EXOC1: variants seen among roughly 807,000 people sequenced by gnomAD.
EXOC1 encodes exocyst complex component 1, also known as SEC3-like 1.
Under a neutral mutation model 107.7 loss-of-function variants are expected in EXOC1, and 67 were observed. The observed-to-expected ratio is 0.62, with a 90% CI of 0.51 to 0.76. EXOC1 has a LOEUF of 0.76. Among genes scored for constraint, EXOC1 ranks in the 30% least tolerant of loss-of-function variants. The pLI is 0.00. For missense variants in EXOC1, 833 were observed against 1,055.7 expected, an observed-to-expected ratio of 0.79 and a Z score of 2.92; for synonymous variants, 348 against 353.5, an observed-to-expected ratio of 0.98 and a Z score of 0.17.
intron 8 of EXOC1, among the ~76,000 whole-genome samples, chr4:55,873,694 G>C (rs1722646456): frequency 6.6e-6 from 1 of 152,092 alleles, no homozygotes; most frequent in African/African-American, 2.4e-5. Context: ...CGACAACCTG[G>C]GGTGTGCCAA....
At chr4:55,870,986 T>G in intron 6 of EXOC1, 81 bp downstream of exon 6, 11 of 1,546,284 alleles carry the variant, frequency 7.1e-6, no homozygotes, top group Non-Finnish European at 9.6e-6. Flanking sequence ...TTTAATTTCC[T>G]TGTGAGAACA....
chr4:55,864,448 G>A (rs1179135650), intron 4 of EXOC1, 62 bp downstream of exon 4: 2 of 1,349,006 alleles, frequency 1.5e-6, no homozygotes, highest in East Asian at 2.6e-5. Context: ...TATATAATTT[G>A]ACATCATTCA....
chr4:55,900,382 C>CA (rs1241679739), intron 17 of EXOC1, among the ~76,000 whole-genome samples: 2 of 151,972 alleles, frequency 1.3e-5, no homozygotes, highest in Non-Finnish European at 2.9e-5. Context: ...AAAGAAAAAC[C>CA]AAAAATTGCT....
chr4:55,857,541 G>C, intron 1 of EXOC1, among the ~76,000 whole-genome samples: 1 of 152,052 alleles, frequency 6.6e-6, no homozygotes, highest in Non-Finnish European at 1.5e-5. Flanking sequence ...TGTATCATTT[G>C]ATGGACATTT....
chr4:55,860,812 T>G (rs1028167746), intron 3 of EXOC1, among the ~76,000 whole-genome samples: 9 of 151,504 alleles, frequency 5.9e-5, no homozygotes, highest in African/African-American at 1.7e-4. Context: ...GTGTCATGAG[T>G]TTTTTTTGCT....
chr4:55,893,841 T>A, intron 15 of EXOC1, 61 bp downstream of exon 15: 3 of 1,329,936 alleles, frequency 2.3e-6, no homozygotes, highest in Non-Finnish European at 3.1e-6. Flanking sequence ...TATAGGTAAA[T>A]GTATTTAAAA....
intron 15 of EXOC1, among the ~76,000 whole-genome samples, chr4:55,895,835 T>C (rs1268973524): frequency 6.6e-6 from 1 of 152,164 alleles, no homozygotes; most frequent in Non-Finnish European, 1.5e-5. Flanking sequence ...ATATGGAAAA[T>C]TAAATAATGC....
intron 8 of EXOC1, among the ~76,000 whole-genome samples, chr4:55,873,417 A>C (rs1722622131): frequency 6.6e-6 from 1 of 152,162 alleles, no homozygotes; most frequent in Non-Finnish European, 1.5e-5. Flanking sequence ...CTTCAATAAC[A>C]TCTATTTCTA....
chr4:55,892,860 A>G (rs932780999), intron 14 of EXOC1, 149 bp downstream of exon 14: 18 of 672,544 alleles, frequency 2.7e-5, no homozygotes, highest in Non-Finnish European at 4.5e-5. Context: ...CAAACGTTTT[A>G]CTGATTTAAA....
At chr4:55,888,250 C>G (rs1230711583) in intron 10 of EXOC1, among the ~76,000 whole-genome samples, 1 of 152,090 alleles carries the variant, frequency 6.6e-6, no homozygotes, top group African/African-American at 2.4e-5. Context: ...CATCTGTTCC[C>G]TAAACTTTAC....
chr4:55,892,999 C>T (rs1488417620), intron 14 of EXOC1, among the ~76,000 whole-genome samples: 2 of 152,202 alleles, frequency 1.3e-5, no homozygotes, highest in African/African-American at 4.8e-5. Flanking sequence ...TCACAAAGCA[C>T]ATTTCATGAC....
In EXOC1 at chr4:55,868,370, A is replaced by C. The variant is rs764174241; in HGVS notation, c.450A>C (p.Thr150=). The C allele has an allele frequency of 1.2e-6, 2 of 1,613,474 alleles. No individual in the cohort carries two copies. The highest frequency in any genetic ancestry group is 3.3e-5 in the Admixed American group (2 of 59,976). The change falls in exon 5 of 19, where the codon ACA becomes ACC. Residue 150 remains threonine (T), a synonymous_variant. Transcript: ENST00000381295. ...SVPSGENQSV[T]GGDEEVVDEY... is the part of the protein sequence containing the mutation. ...CAAGTGGAGAAAATCAGAGTGTGAC[A>C]GGAGGTGATGAAGAAGTAGTAGATG...
chr4:55,876,176 A>T, intron 8 of EXOC1: 1 of 985,426 alleles, frequency 1.0e-6, no homozygotes, highest in South Asian at 4.7e-5. Flanking sequence ...TACAGAAAAG[A>T]TATGGTAGCC....
chr4:55,870,629 TTTG>T (rs1722337947), intron 5 of EXOC1, 46 bp from the exon 6 acceptor site: 1 of 1,290,812 alleles, frequency 7.7e-7, no homozygotes, highest in Non-Finnish European at 1.0e-6. Context: ...AAGTATGTTT[TTTG>T]TTTGTTTGTT....
chr4:55,871,972 A>T lies in EXOC1; in HGVS notation c.1074+14A>T. On this transcript the variant is annotated intron_variant, in intron 8 of 18. Coordinates refer to ENST00000381295, the MANE Select transcript of EXOC1 (RefSeq NM_001024924.2). ...TTTGTTCAACAGGTAATTTTATTTT[A>T]TTATTAAAACGAGCATGTTCCTATA... 3.7e-6 allele frequency: 6 copies of T among 1,607,464 alleles called. No individual in the cohort carries two copies. The highest frequency in any genetic ancestry group is 5.1e-6 in the Non-Finnish European group (6 of 1,174,854).
At chr4:55,875,523 T>TTCAAAA in intron 8 of EXOC1, 1 of 976,884 alleles carries the variant, frequency 1.0e-6, no homozygotes, top group Non-Finnish European at 1.2e-6. Flanking sequence ...ACTTCCTGGG[T>TTCAAAA]TCAAAATCCT....
At chr4:55,884,275 G>A (rs1426932789) in intron 10 of EXOC1, among the ~76,000 whole-genome samples, 1 of 152,144 alleles carries the variant, frequency 6.6e-6, no homozygotes, top group Non-Finnish European at 1.5e-5. Context: ...CAGTTTAACT[G>A]ATTCCCTAAA....
intron 1 of EXOC1, among the ~76,000 whole-genome samples, chr4:55,856,940 A>G (rs946901603): frequency 2.0e-5 from 3 of 152,016 alleles, no homozygotes; most frequent in Admixed American, 6.6e-5. Context: ...CATCACCCCA[A>G]AAAAGAAACT....
intron 8 of EXOC1, among the ~76,000 whole-genome samples, chr4:55,873,381 T>G (rs999072499): frequency 6.6e-6 from 1 of 152,172 alleles, no homozygotes; most frequent in African/African-American, 2.4e-5. Flanking sequence ...TAGGAAATAC[T>G]AATTCATGTT....
Sources: gnomAD v4.1 joint callset for allele counts (sites outside exome capture counted in the v4.1 genomes callset) on GRCh38, gnomAD v4.1.1 for gene constraint, MANE v1.5 for transcripts, NCBI Gene and HGNC (gene_info 2026-07-23, HGNC 2026-07-21) for gene names.